The following LRP1B variants were observed in gnomAD, a reference collection of about 807,000 sequenced individuals.
LRP1B encodes the protein LDL receptor related protein 1B.
LRP1B carries 217 observed loss-of-function variants against 556.6 expected under a neutral mutation model. That is an observed-to-expected ratio of 0.39 (90% CI 0.35 to 0.44). The LOEUF (loss-of-function observed/expected upper bound fraction) is 0.44. Ranked by LOEUF, LRP1B falls within the 20% of genes least tolerant of loss-of-function variation. The pLI, the probability that LRP1B is intolerant of heterozygous loss-of-function variation, is 1.00. For synonymous variants in LRP1B, 2,047 were observed against 1,865.8 expected, an observed-to-expected ratio of 1.10 and a Z score of -2.50; for missense variants, 5,053 against 5,620.8, an observed-to-expected ratio of 0.90 and a Z score of 3.23.
At chr2:140,694,440 C>A (rs1208379043) in intron 41 of LRP1B, among the ~76,000 whole-genome samples, 1 of 152,052 alleles carries the variant, frequency 6.6e-6, no homozygotes, top group African/African-American at 2.4e-5. Flanking sequence ...GTTTAAATAC[C>A]ATTGTCTTCC....
intron 43 of LRP1B, among the ~76,000 whole-genome samples, chr2:140,550,332 G>T (rs979870234): frequency 6.6e-6 from 1 of 152,066 alleles, no homozygotes; most frequent in Non-Finnish European, 1.5e-5. Flanking sequence ...AAAGAGCACA[G>T]TACTCAAAGT....
intron 7 of LRP1B, among the ~76,000 whole-genome samples, chr2:141,074,585 C>CTA (rs1412050314): frequency 1.6e-4 from 15 of 94,386 alleles, no homozygotes; most frequent in Admixed American, 1.2e-3. Flanking sequence ...CTCTCTCTCT[C>CTA]TCTCTATATA....
intron 1 of LRP1B, among the ~76,000 whole-genome samples, chr2:142,045,887 T>C (rs1296909396): frequency 6.6e-6 from 1 of 151,918 alleles, no homozygotes; most frequent in East Asian, 1.9e-4. Context: ...ATTAAAAGTA[T>C]GGAACACATG....
intron 41 of LRP1B, among the ~76,000 whole-genome samples, chr2:140,626,453 T>C (rs1683660505): frequency 6.6e-6 from 1 of 152,176 alleles, no homozygotes; most frequent in Admixed American, 6.5e-5. Flanking sequence ...GGTTGTTCAT[T>C]TGTGGAAGAA....
At position 142,130,999 on chromosome 2, in the gene LRP1B, T is replaced by C. The variant is rs1574718221; in HGVS notation, c.-270A>G. ...CGAGACGCCCGTGTGTCTTGACTTT[T>C]CAATGCAGGGTACGTCTGATCTTAC... On this transcript the variant is annotated 5_prime_UTR_variant, in exon 1 of 91. Coordinates refer to ENST00000389484, the MANE Select transcript of LRP1B (RefSeq NM_018557.3). The C allele has an allele frequency of 1.9e-6, 1 of 534,506 alleles. No individual in the cohort carries two copies. Among genetic ancestry groups the C allele is most frequent in the East Asian group, 3.2e-5 (1 of 30,846 alleles). 33.1% of individuals were successfully genotyped at this position (534,506 alleles called of 1,614,324 possible).
intron 2 of LRP1B, among the ~76,000 whole-genome samples, chr2:141,769,471 G>A (rs1329143463): frequency 6.6e-6 from 1 of 152,150 alleles, no homozygotes; most frequent in African/African-American, 2.4e-5. Context: ...AGAGAACAGT[G>A]CTCCAAAGAA....
intron 1 of LRP1B, among the ~76,000 whole-genome samples, chr2:142,128,686 G>T (rs912518306): frequency 1.3e-5 from 2 of 152,038 alleles, no homozygotes; most frequent in African/African-American, 2.4e-5. Flanking sequence ...ATTTTTACTT[G>T]TGCTATCTGA....
intron 23 of LRP1B, among the ~76,000 whole-genome samples, chr2:140,895,726 C>T (rs1693935277): frequency 6.6e-6 from 1 of 152,100 alleles, no homozygotes; most frequent in African/African-American, 2.4e-5. Flanking sequence ...AAATGGCTCT[C>T]AGTGGGATGG....
At chr2:141,856,234 C>T (rs996158653) in intron 1 of LRP1B, among the ~76,000 whole-genome samples, 1 of 152,102 alleles carries the variant, frequency 6.6e-6, no homozygotes, top group Non-Finnish European at 1.5e-5. Flanking sequence ...ATCCAAAAAT[C>T]TTCCGTTTAT....
chr2:140,421,414 C>T (rs1685437731), intron 66 of LRP1B, among the ~76,000 whole-genome samples: 1 of 152,234 alleles, frequency 6.6e-6, no homozygotes, highest in East Asian at 1.9e-4. Context: ...TTATACTGGT[C>T]ACTAATGTCC....
At chr2:140,632,226 G>A (rs989517003) in intron 41 of LRP1B, among the ~76,000 whole-genome samples, 1 of 152,030 alleles carries the variant, frequency 6.6e-6, no homozygotes, top group Non-Finnish European at 1.5e-5. Flanking sequence ...GTCAGGAAAG[G>A]AATAAAGATA....
chr2:141,148,317 C>A (rs1480073972), intron 7 of LRP1B, among the ~76,000 whole-genome samples: 1 of 152,094 alleles, frequency 6.6e-6, no homozygotes, highest in Admixed American at 6.5e-5. Context: ...CTTTAATAAT[C>A]AAAAATAACT....
chr2:140,774,919 G>C (rs185234221), intron 33 of LRP1B, among the ~76,000 whole-genome samples: 1 of 151,980 alleles, frequency 6.6e-6, no homozygotes, highest in Non-Finnish European at 1.5e-5. Context: ...CAGGTTATAC[G>C]TTCTCAGGTA....
chr2:140,767,806 A>G (rs1689169713), intron 35 of LRP1B, among the ~76,000 whole-genome samples: 1 of 151,962 alleles, frequency 6.6e-6, no homozygotes, highest in African/African-American at 2.4e-5. Context: ...AAATAATTGA[A>G]TATATGCTCC....
chr2:140,861,339 G>A (rs569049924), intron 27 of LRP1B, among the ~76,000 whole-genome samples: 12 of 152,242 alleles, frequency 7.9e-5, no homozygotes, highest in Middle Eastern at 3.4e-3. Flanking sequence ...CCTGGGAGGC[G>A]GAGGTTGCAG....
At chr2:140,926,534 G>A (rs551081709) in intron 20 of LRP1B, among the ~76,000 whole-genome samples, 4 of 152,102 alleles carry the variant, frequency 2.6e-5, no homozygotes, top group South Asian at 2.1e-4. Flanking sequence ...GTACATACAG[G>A]GTCTTACTTT....
At chr2:140,429,781 G>A (rs1043610239) in intron 66 of LRP1B, among the ~76,000 whole-genome samples, 4 of 152,102 alleles carry the variant, frequency 2.6e-5, no homozygotes, top group African/African-American at 7.2e-5. Flanking sequence ...TCATGTCTCC[G>A]TGCAGTGGCT....
In LRP1B at chr2:141,187,268, C is replaced by T. The variant is rs985870328; in HGVS notation, c.1013+1153G>A. 4.6e-5 allele frequency among the ~76,000 whole-genome samples: 7 copies of T among 152,164 alleles called. No homozygotes were observed. The South Asian group carries it at 6.2e-4, about 14-fold the overall frequency. On this transcript the variant is annotated intron_variant, in intron 7 of 90. Transcript: ENST00000389484. ...CACAGCCTTCCCAGCAAAGTTCTTA[C>T]GTGCAAGCTGTTCTTGTCAAAATCA...
At chr2:140,515,808 A>G (rs1169768030) in intron 50 of LRP1B, among the ~76,000 whole-genome samples, 1 of 152,112 alleles carries the variant, frequency 6.6e-6, no homozygotes, top group Non-Finnish European at 1.5e-5. Flanking sequence ...CATCTTAGTA[A>G]AATAAAATGC....
Sources: gnomAD v4.1 joint callset for allele counts (sites outside exome capture counted in the v4.1 genomes callset) on GRCh38, gnomAD v4.1.1 for gene constraint, MANE v1.5 for transcripts, NCBI Gene and HGNC (gene_info 2026-07-23, HGNC 2026-07-21) for gene names.